The following SLC6A20 variants were observed in gnomAD, a reference collection of about 807,000 sequenced individuals.
The protein encoded by SLC6A20 is solute carrier family 6 member 20.
In SLC6A20, 73 loss-of-function variants were observed where a neutral mutation model predicts 64.3. The ratio of observed to expected loss-of-function variants is 1.14; its 90% CI spans 0.94 to 1.38. The LOEUF (loss-of-function observed/expected upper bound fraction) is 1.38. Among genes scored for constraint, SLC6A20 ranks in the 40% most tolerant of loss-of-function variants. The pLI, the probability that SLC6A20 is intolerant of heterozygous loss-of-function variation, is 0.00. For missense variants in SLC6A20, 725 were observed against 772.8 expected, an observed-to-expected ratio of 0.94 and a Z score of 0.73; for synonymous variants, 347 against 329.6, an observed-to-expected ratio of 1.05 and a Z score of -0.57.
chr3:45,781,425 C>G (rs768103989), intron 2 of SLC6A20, among the ~76,000 whole-genome samples: 2 of 152,190 alleles, frequency 1.3e-5, no homozygotes, highest in African/African-American at 2.4e-5. Flanking sequence ...CAGGCTATGG[C>G]TACTTCTGGT....
rs146332099 is a variant in SLC6A20 at position 45,771,312 on chromosome 3, G to A, written c.840C>T (p.Ser280=). 7.4e-6 allele frequency: 12 copies of A among 1,614,132 alleles called. No individual in the cohort carries two copies. The highest frequency in any genetic ancestry group is 1.0e-5 in the Non-Finnish European group (12 of 1,180,054). The part of the protein sequence containing the change: ...NNCQKHAIIV[S]LINSFTSIFA... ...ATATGGAGGTGAAGCTGTTGATGAGGGACACGATGATGGCGTGCTTCTGGC... is the reference window on the plus strand; with the variant it reads ...ATATGGAGGTGAAGCTGTTGATGAGAGACACGATGATGGCGTGCTTCTGGC... The change falls in exon 6 of 11, where the codon TCC becomes TCT. Residue 280 remains serine (S), a synonymous_variant. Coordinates refer to ENST00000358525, the MANE Select transcript of SLC6A20 (RefSeq NM_020208.4).
chr3:45,768,038 AC>A (rs576022606), intron 7 of SLC6A20, among the ~76,000 whole-genome samples: 1 of 152,244 alleles, frequency 6.6e-6, no homozygotes, highest in South Asian at 2.1e-4. Context: ...AGAATGGTGA[AC>A]AAATAAAATG....
At chr3:45,762,815 G>A in intron 9 of SLC6A20, 98 bp downstream of exon 9, 1 of 1,476,968 alleles carries the variant, frequency 6.8e-7, no homozygotes, top group Non-Finnish European at 9.3e-7. Flanking sequence ...TTAAAGAAGA[G>A]GTGAAGATGT....
Position 45,777,427 on chromosome 3 carries a change from T to C in SLC6A20, c.355-1439A>G, listed in dbSNP as rs114859981. On this transcript the variant is annotated intron_variant, in intron 3 of 10. Transcript: ENST00000358525. Reference sequence around the variant, plus strand: ...CCACCAACAGTCCTTCCCCTTCCCATGTGCACATTTCTCCCATCCAGAAGT... The same window carrying C: ...CCACCAACAGTCCTTCCCCTTCCCACGTGCACATTTCTCCCATCCAGAAGT... 2.4e-3 allele frequency among the ~76,000 whole-genome samples: 361 copies of C among 152,314 alleles called. 1 individual carries two copies. The highest frequency in any genetic ancestry group is 8.3e-3 in the African/African-American group (347 of 41,580).
rs1699595386 is a variant in SLC6A20 at position 45,758,834 on chromosome 3, C to T, written c.*144G>A. On this transcript the variant is annotated 3_prime_UTR_variant, in exon 11 of 11. Coordinates refer to ENST00000358525, the MANE Select transcript of SLC6A20 (RefSeq NM_020208.4). ...TGCGTTCTCCCAAGGGAGTTTTCTTCCTGCACACCTTCCTCATCTTCTTTA... is the reference window on the plus strand; with the variant it reads ...TGCGTTCTCCCAAGGGAGTTTTCTTTCTGCACACCTTCCTCATCTTCTTTA... 14 of 1,367,756 alleles carry T rather than the reference C, an allele frequency of 1.0e-5. No homozygotes were observed. The highest frequency in any genetic ancestry group is 2.1e-4 in the Middle Eastern group (1 of 4,706). The allele number at this position is 1,367,756 out of a possible 1,614,324, so 84.7% of individuals were successfully genotyped here.
At chr3:45,793,204 C>T (rs553902160) in intron 1 of SLC6A20, among the ~76,000 whole-genome samples, 1 of 152,318 alleles carries the variant, frequency 6.6e-6, no homozygotes, top group South Asian at 2.1e-4. Context: ...ACTGCATAGT[C>T]AGGTGTCCTC....
intron 1 of SLC6A20, among the ~76,000 whole-genome samples, chr3:45,783,727 C>T (rs1159592949): frequency 6.6e-6 from 1 of 152,272 alleles, no homozygotes; most frequent in Non-Finnish European, 1.5e-5. Flanking sequence ...GAGCCGCTTG[C>T]ATGGGTGGAT....
At chr3:45,760,192 G>C (rs557858155) in intron 9 of SLC6A20, among the ~76,000 whole-genome samples, 170 bp from the exon 10 acceptor site, 3 of 152,186 alleles carry the variant, frequency 2.0e-5, no homozygotes, top group Non-Finnish European at 4.4e-5. Flanking sequence ...CGAGTGCTGC[G>C]GTGGGGAGGG....
At position 45,796,348 on chromosome 3, in the gene SLC6A20, GC is replaced by G; in HGVS notation, c.71del (p.Gly24AlafsTer105). ...ACGGGAATCGCCACACGTTGCCCAG[GC>G]CCACGGCGTACGAGATGCAGGCGAA... is the stretch of plus-strand genomic sequence containing the variant. ...FVFACISYAV[G>X]LGNVWRFPYL... On this transcript the variant is annotated frameshift_variant, in exon 1 of 11. Transcript: ENST00000358525. LOFTEE classifies it high-confidence loss of function. 6.2e-7 allele frequency: 1 copy of G among 1,612,718 alleles called. No individual in the cohort carries two copies. The highest frequency in any genetic ancestry group is 1.3e-5 in the African/African-American group (1 of 74,758).
chr3:45,759,178 C>T, intron 10 of SLC6A20, 51 bp from the exon 11 acceptor site: 1 of 1,552,914 alleles, frequency 6.4e-7, no homozygotes, highest in South Asian at 1.2e-5. Context: ...AGCACTGCCC[C>T]TGGGCCTCAG....
Position 45,792,987 on chromosome 3 carries a change from C to T in SLC6A20, c.121+3312G>A, listed in dbSNP as rs567548150. ...AGAAATGAAGAATCCTGTCCTCCCC[C>T]ACAGGCGTCTGGATCAGAATCCCTG... On this transcript the variant is annotated intron_variant, in intron 1 of 10. Transcript: ENST00000358525. 1.2e-4 allele frequency among the ~76,000 whole-genome samples: 18 copies of T among 152,296 alleles called. 1 individual carries two copies. In the South Asian group the frequency reaches 3.5e-3, roughly 30 times the overall value.
chr3:45,779,891 G>C, intron 3 of SLC6A20, 118 bp downstream of exon 3: 1 of 1,099,872 alleles, frequency 9.1e-7, no homozygotes, highest in East Asian at 2.6e-5. Context: ...ACCACCCACC[G>C]GCTCCCCGCC....
Position 45,757,879 on chromosome 3 carries a change from A to C in SLC6A20, c.*1099T>G, listed in dbSNP as rs1377373446. The C allele has an allele frequency of 6.6e-6, 1 of 151,254 alleles. No homozygotes were observed. The highest frequency in any genetic ancestry group is 1.5e-5 in the Non-Finnish European group (1 of 68,008). 9.4% of individuals were successfully genotyped at this position (151,254 alleles called of 1,614,324 possible). A position where few individuals can be genotyped will look rare whatever the true frequency, so the allele number is the denominator to read the frequency against. On this transcript the variant is annotated 3_prime_UTR_variant, in exon 11 of 11. Transcript: ENST00000358525. ...TGATAGAGTTGGCCACGATGTCCAAATGTAATATTAAGCCTATGGGAAAGT... is the reference window on the plus strand; with the variant it reads ...TGATAGAGTTGGCCACGATGTCCAACTGTAATATTAAGCCTATGGGAAAGT...
Position 45,773,541 on chromosome 3 carries a change from T to C in SLC6A20, c.583-926A>G, listed in dbSNP as rs184986069. On this transcript the variant is annotated intron_variant, in intron 4 of 10. Transcript: ENST00000358525. Reference sequence around the variant, plus strand: ...GCCTATCCAGGAATGGATTTTTTTCTGTAAATCAACTCATATGTGTACCAG... The same window carrying C: ...GCCTATCCAGGAATGGATTTTTTTCCGTAAATCAACTCATATGTGTACCAG... Among the ~76,000 whole-genome samples, 109 of 152,358 alleles carry C rather than the reference T, an allele frequency of 7.2e-4. 1 individual carries two copies. The highest frequency in any genetic ancestry group is 6.8e-3 in the Middle Eastern group (2 of 294).
At position 45,759,968 on chromosome 3, in the gene SLC6A20, C is replaced by T. The variant is rs748483326; in HGVS notation, c.1518G>A (p.Lys506=). The change falls in exon 10 of 11, where the codon AAG becomes AAA. Residue 506 remains lysine (K), a synonymous_variant. Transcript: ENST00000358525. ...GTGGGCTTACGCCAGCCCACATCAC[C>T]TTCCAGTACCAGCTCACAGCTCGGC... ...MTGRAVSWYW[K]VMWAGVSPLL... 4 of 1,614,176 alleles carry T rather than the reference C, an allele frequency of 2.5e-6. No individual in the cohort carries two copies. The highest frequency in any genetic ancestry group is 3.4e-6 in the Non-Finnish European group (4 of 1,180,030).
chr3:45,782,104 T>C lies in SLC6A20; in HGVS notation c.241A>G (p.Ser81Gly), dbSNP rs1410338960. Residue 81 changes from serine (S) to glycine (G), a missense_variant, in exon 2 of 11, where the codon AGC becomes GGC. Physicochemically the swap from Ser to Gly is moderately conservative, Grantham distance 56. Transcript: ENST00000358525. ...QGSIGAWRTI[S>G]PYLSGVGVAS... Reference sequence around the variant, plus strand: ...GTACCGACACCACTGAGGTACGGGCTGATGGTCCTCCAGGCGCCGATGCTG... The same window carrying C: ...GTACCGACACCACTGAGGTACGGGCCGATGGTCCTCCAGGCGCCGATGCTG... 1 of 1,612,564 alleles carries C rather than the reference T, an allele frequency of 6.2e-7. No individual in the cohort carries two copies. Among genetic ancestry groups the C allele is most frequent in the East Asian group, 2.2e-5 (1 of 44,802 alleles).
chr3:45,775,656 G>T, intron 4 of SLC6A20, 105 bp downstream of exon 4: 1 of 1,094,430 alleles, frequency 9.1e-7, no homozygotes, highest in Non-Finnish European at 1.3e-6. Flanking sequence ...CCACTGCAGA[G>T]GGCACTCCCT....
chr3:45,770,915 T>C (rs180978848), intron 6 of SLC6A20, among the ~76,000 whole-genome samples: 4 of 152,324 alleles, frequency 2.6e-5, no homozygotes, highest in African/African-American at 9.6e-5. Context: ...TCTCTGTGGC[T>C]CAGCTAGAGG....
chr3:45,792,722 C>T (rs1048265948), intron 1 of SLC6A20, among the ~76,000 whole-genome samples: 1 of 152,206 alleles, frequency 6.6e-6, no homozygotes, highest in Non-Finnish European at 1.5e-5. Flanking sequence ...ACCGGCCCCA[C>T]CTCTCCCCAA....
Sources: allele counts gnomAD v4.1 joint callset (sites outside exome capture counted in the v4.1 genomes callset), GRCh38; gene constraint gnomAD v4.1.1; transcripts MANE v1.5; gene names NCBI Gene and HGNC (gene_info 2026-07-23, HGNC 2026-07-21).